The following UNC13C variants were observed in gnomAD, a reference collection of about 807,000 sequenced individuals.
UNC13C encodes unc-13 homolog C.
In UNC13C, 174 loss-of-function variants were observed where a neutral mutation model predicts 245.4. The ratio of observed to expected loss-of-function variants is 0.71; its 90% CI spans 0.63 to 0.80. The LOEUF is 0.80. Among genes scored for constraint, UNC13C ranks in the 30% least tolerant of loss-of-function variants. The pLI, the probability that UNC13C is intolerant of heterozygous loss-of-function variation, is 0.00. For synonymous variants in UNC13C, 992 were observed against 895.1 expected, an observed-to-expected ratio of 1.11 and a Z score of -1.93; for missense variants, 2,829 against 2,602.9, an observed-to-expected ratio of 1.09 and a Z score of -1.89.
intron 19 of UNC13C, among the ~76,000 whole-genome samples, chr15:54,437,568 A>C (rs1890291328): frequency 6.6e-6 from 1 of 151,870 alleles, no homozygotes; most frequent in African/African-American, 2.4e-5. Context: ...TTTTCCTGTA[A>C]GTCACGCCAC....
chr15:54,235,447 C>T (rs1184969145), intron 5 of UNC13C, among the ~76,000 whole-genome samples: 4 of 152,086 alleles, frequency 2.6e-5, no homozygotes, highest in African/African-American at 9.7e-5. Flanking sequence ...GTTTAATTCA[C>T]AATGCTTGAG....
the UNC13C span, among the ~76,000 whole-genome samples, chr15:53,970,467 C>T: frequency 1.3e-5 from 2 of 152,160 alleles, no homozygotes; most frequent in African/African-American, 4.8e-5. Context: ...AGTCCTTCTA[C>T]CTCTTGGCTA....
At chr15:53,851,448 T>C in the UNC13C span, among the ~76,000 whole-genome samples, 1 of 152,196 alleles carries the variant, frequency 6.6e-6, no homozygotes, top group Admixed American at 6.5e-5. Flanking sequence ...ACTCTTTTTG[T>C]TCACTGGGAT....
intron 17 of UNC13C, among the ~76,000 whole-genome samples, chr15:54,358,819 C>A (rs947275588): frequency 1.3e-4 from 19 of 151,900 alleles, no homozygotes. Flanking sequence ...TTCTCTTGCC[C>A]AATTCCTATA....
At chr15:54,205,411 A>G (rs909554331) in intron 4 of UNC13C, among the ~76,000 whole-genome samples, 4 of 152,002 alleles carry the variant, frequency 2.6e-5, no homozygotes, top group Admixed American at 6.6e-5. Flanking sequence ...TCATTAAGCA[A>G]TTCTTCAACT....
chr15:53,875,986 C>T, the UNC13C span, among the ~76,000 whole-genome samples: 1 of 152,216 alleles, frequency 6.6e-6, no homozygotes, highest in Non-Finnish European at 1.5e-5. Flanking sequence ...TAGAAGTTCT[C>T]TCAGATATCT....
the UNC13C span, among the ~76,000 whole-genome samples, chr15:53,872,233 T>C: frequency 6.6e-6 from 1 of 152,156 alleles, no homozygotes; most frequent in African/African-American, 2.4e-5. Context: ...ATAGCATTTT[T>C]GGGAGGAATA....
chr15:54,307,239 C>A (rs182828372), intron 13 of UNC13C, among the ~76,000 whole-genome samples: 4 of 152,000 alleles, frequency 2.6e-5, no homozygotes, highest in Admixed American at 2.6e-4. Context: ...ATTAAGGTGC[C>A]ATCAGATCTG....
chr15:54,325,750 C>T (rs536143937), intron 14 of UNC13C, among the ~76,000 whole-genome samples: 1 of 152,130 alleles, frequency 6.6e-6, no homozygotes, highest in South Asian at 2.1e-4. Flanking sequence ...TTTATAACAA[C>T]ATTCTGAAAG....
At chr15:53,910,424 T>G in the UNC13C span, among the ~76,000 whole-genome samples, 1 of 146,420 alleles carries the variant, frequency 6.8e-6, no homozygotes, top group African/African-American at 2.4e-5. Context: ...TGTAAGTTCA[T>G]ATTTGGCTTT....
At chr15:54,430,416 C>T (rs1178033404) in intron 19 of UNC13C, among the ~76,000 whole-genome samples, 1 of 151,634 alleles carries the variant, frequency 6.6e-6, no homozygotes, top group Non-Finnish European at 1.5e-5. Flanking sequence ...TCTTTTCATG[C>T]TTCTTTCGTA....
chr15:54,024,401 A>G (rs1274281901), intron 2 of UNC13C, among the ~76,000 whole-genome samples: 1 of 152,206 alleles, frequency 6.6e-6, no homozygotes, highest in African/African-American at 2.4e-5. Context: ...TGAAACAGGT[A>G]AAAGCTTTAT....
intron 26 of UNC13C, among the ~76,000 whole-genome samples, chr15:54,544,973 A>G (rs531222885): frequency 4.7e-4 from 71 of 152,362 alleles, no homozygotes; most frequent in Admixed American, 3.1e-3. Context: ...GAATCAAAAA[A>G]GAGCCTGTAT....
chr15:53,979,598 A>G (rs919085727), intron 1 of UNC13C, among the ~76,000 whole-genome samples: 1 of 152,146 alleles, frequency 6.6e-6, no homozygotes, highest in Non-Finnish European at 1.5e-5. Flanking sequence ...TACATCATCA[A>G]TATACTTGTA....
At chr15:54,630,063 G>A (rs1901421765), downstream of UNC13C, 1 of 152,176 alleles carries the variant, frequency 6.6e-6, no homozygotes, top group African/African-American at 2.4e-5. Flanking sequence ...TCAATTGAGT[G>A]TTGCACTAAT....
the UNC13C span, among the ~76,000 whole-genome samples, chr15:53,946,359 T>C: frequency 6.6e-6 from 1 of 152,250 alleles, no homozygotes; most frequent in Admixed American, 6.5e-5. Flanking sequence ...TGTATGTCAG[T>C]ATGATGTTGG....
intron 17 of UNC13C, among the ~76,000 whole-genome samples, chr15:54,377,761 G>A (rs1427299366): frequency 6.6e-6 from 1 of 152,252 alleles, no homozygotes; most frequent in South Asian, 2.1e-4. Flanking sequence ...TTTTGTAAGG[G>A]CATTAATCCT....
chr15:53,909,006 C>T, the UNC13C span, among the ~76,000 whole-genome samples: 1 of 145,974 alleles, frequency 6.9e-6, no homozygotes, highest in East Asian at 2.0e-4. Flanking sequence ...TATATATGCA[C>T]TATATAGTGG....
At chr15:54,453,006 A>T (rs938597940) in intron 19 of UNC13C, among the ~76,000 whole-genome samples, 5 of 152,108 alleles carry the variant, frequency 3.3e-5, no homozygotes, top group Admixed American at 3.3e-4. Context: ...CCAGGACAGG[A>T]TGCATTCTGG....
Sources: allele counts gnomAD v4.1 joint callset (sites outside exome capture counted in the v4.1 genomes callset), GRCh38; gene constraint gnomAD v4.1.1; transcripts MANE v1.5; gene names NCBI Gene and HGNC (gene_info 2026-07-23, HGNC 2026-07-21).